Variants in QSER1 observed in about 807,000 individuals in gnomAD.
The protein encoded by QSER1 is glutamine and serine rich 1, also known as glutamine and serine-rich protein 1.
In QSER1, 49 loss-of-function variants were observed where a neutral mutation model predicts 158.5. The ratio of observed to expected loss-of-function variants is 0.31; its 90% confidence interval spans 0.25 to 0.39. The LOEUF (loss-of-function observed/expected upper bound fraction) is 0.39. QSER1 is among the 10% of genes least tolerant of loss of function. The probability of loss-of-function intolerance (pLI) is 1.00; values close to 1 mark genes in which losing one functional copy is unlikely to be tolerated. For missense variants in QSER1, 1,754 were observed against 2,010.3 expected, an observed-to-expected ratio of 0.87 and a Z score of 2.44; for synonymous variants, 650 against 715.5, an observed-to-expected ratio of 0.91 and a Z score of 1.46.
intron 4 of QSER1, among the ~76,000 whole-genome samples, chr11:32,951,868 G>A (rs1272368912): frequency 1.1e-4 from 15 of 130,450 alleles, no homozygotes; most frequent in South Asian, 9.5e-4. Flanking sequence ...ATGGAATTTC[G>A]CTCTTGTTGC....
chr11:32,898,292 G>A (rs887132100), intron 1 of QSER1, among the ~76,000 whole-genome samples: 3 of 152,090 alleles, frequency 2.0e-5, no homozygotes, highest in East Asian at 1.9e-4. Context: ...ACCAGCCTAC[G>A]CAACGTGGTG....
Position 32,892,843 on chromosome 11 carries a change from GGCCGCCGCC to G in QSER1, c.-272_-264del, listed in dbSNP as rs562526200. On this transcript the variant is annotated 5_prime_UTR_variant, in exon 1 of 13. Coordinates refer to ENST00000650167, the MANE Select transcript of QSER1 (RefSeq NM_001076786.3). ...GAAATCCACCAACATGGGGCGCAGC[GGCCGCCGCC>G]GCCGCCGCCGTCGCCGCGAGTCCCG... Among the ~76,000 whole-genome samples, 24 of 144,876 alleles carry G rather than the reference GGCCGCCGCC, an allele frequency of 1.7e-4. No homozygotes were observed. The highest frequency in any genetic ancestry group is 2.1e-4 in the South Asian group (1 of 4,708).
At chr11:32,921,066 G>A (rs1422914792) in intron 1 of QSER1, among the ~76,000 whole-genome samples, 2 of 152,088 alleles carry the variant, frequency 1.3e-5, no homozygotes, top group East Asian at 1.9e-4. Flanking sequence ...TCATAGCATC[G>A]TTATGATAGC....
intron 4 of QSER1, among the ~76,000 whole-genome samples, chr11:32,950,362 G>A (rs887538779): frequency 6.6e-6 from 1 of 152,096 alleles, no homozygotes; most frequent in African/African-American, 2.4e-5. Context: ...CCAAAGTGCT[G>A]GGATTACAGG....
intron 1 of QSER1, among the ~76,000 whole-genome samples, chr11:32,912,781 C>T (rs922321409): frequency 1.3e-5 from 2 of 152,048 alleles, no homozygotes; most frequent in Non-Finnish European, 2.9e-5. Flanking sequence ...GACATGGTGT[C>T]GCACGTCTTT....
At chr11:32,953,036 C>T (rs1380150899) in intron 4 of QSER1, among the ~76,000 whole-genome samples, 1 of 151,878 alleles carries the variant, frequency 6.6e-6, no homozygotes, top group Non-Finnish European at 1.5e-5. Context: ...CTCCTGACCT[C>T]GTGATCTGCC....
chr11:32,956,242 T>G (rs1055280863), intron 7 of QSER1, 121 bp downstream of exon 7: 5 of 804,832 alleles, frequency 6.2e-6, no homozygotes, highest in South Asian at 1.7e-5. Flanking sequence ...GTCAAAAAAT[T>G]TCAGTGCCTG....
At position 32,935,074 on chromosome 11, in the gene QSER1, A is replaced by G. The variant is rs7481878; in HGVS notation, c.3816A>G (p.Pro1272=). The change falls in exon 4 of 13, where the codon CCA becomes CCG. Residue 1272 remains proline, a synonymous_variant. Transcript: ENST00000650167. ...TCAAAGAGGTGGAGGAAAAACAACCAGAAGTCAAAACAGGATTTATTGCTT... is the reference window on the plus strand; with the variant it reads ...TCAAAGAGGTGGAGGAAAAACAACCGGAAGTCAAAACAGGATTTATTGCTT... ...QKIKEVEEKQ[P]EVKTGFIASF... is the part of the protein sequence containing the mutation. The G allele has an allele frequency of 0.82, 1,319,758 of 1,613,816 alleles. 543,339 individuals are homozygous for G. Among genetic ancestry groups the G allele is most frequent in the East Asian group, 0.99 (44,299 of 44,882 alleles).
Position 32,953,976 on chromosome 11 carries a change from A to G in QSER1, c.4297A>G (p.Asn1433Asp), listed in dbSNP as rs16923676. The G allele has an allele frequency of 7.4e-5, 120 of 1,614,144 alleles. No individual in the cohort carries two copies. The East Asian group carries it at 2.1e-3, about 28-fold the overall frequency. The change falls in exon 5 of 13, where the codon AAT becomes GAT. Residue 1433 changes from asparagine (N) to aspartate (D), a missense_variant. By Grantham distance (23) the Asn-to-Asp change is conservative (BLOSUM62 1). Around this residue, in one of 2 missense-constraint regions of QSER1, gnomAD observed 1,707 missense variants for 1,919.6 expected, o/e 0.89. Transcript: ENST00000650167. ...TCTCCACTCTACTTCATATGCAGTA[A>G]ATATTCTGGAAAATATAAGCTCTTC... is the stretch of plus-strand genomic sequence containing the variant. ...EPLHSTSYAV[N>D]ILENISSSES...
chr11:32,937,551 G>A (rs1852170953), intron 4 of QSER1, among the ~76,000 whole-genome samples: 1 of 152,120 alleles, frequency 6.6e-6, no homozygotes, highest in African/African-American at 2.4e-5. Flanking sequence ...GCCTCCCAAA[G>A]TGCTGGGATT....
Position 32,934,624 on chromosome 11 carries a change from T to G in QSER1, c.3366T>G (p.Ala1122=). The stretch of plus-strand genomic sequence containing the variant: ...TTGAATCTGAAGAAGACAGTGAAGC[T>G]CCTGTTGATAGTACATTAAATAATA... ...TNLESEEDSE[A]PVDSTLNNNR... is the part of the protein sequence containing the mutation. Residue 1122 remains alanine (A), a synonymous_variant, in exon 4 of 13, where the codon GCT becomes GCG. Transcript: ENST00000650167. 2 of 1,613,728 alleles carry G rather than the reference T, an allele frequency of 1.2e-6. No homozygotes were observed. The highest frequency in any genetic ancestry group is 1.7e-6 in the Non-Finnish European group (2 of 1,179,970).
Position 32,935,222 on chromosome 11 carries a change from C to T in QSER1, c.3964C>T (p.Pro1322Ser). The T allele has an allele frequency of 6.2e-7, 1 of 1,613,944 alleles. No homozygotes were observed. The highest frequency in any genetic ancestry group is 2.2e-5 in the East Asian group (1 of 44,886). Residue 1322 changes from proline to serine, a missense_variant, in exon 4 of 13, where the codon CCC becomes TCC. This residue lies in a region of QSER1 where 1,707 missense variants were observed against 1,919.6 expected (regional missense o/e 0.89). Transcript: ENST00000650167. The part of the protein sequence containing the change: ...MVRTFCPPPL[P>S]KPSSTTPTPL... ...TCGTACATTTTGTCCCCCACCACTT[C>T]CCAAGCCTTCATCTACAACACCCAC...
At chr11:32,917,047 G>A (rs1178091067) in intron 1 of QSER1, among the ~76,000 whole-genome samples, 7 of 152,082 alleles carry the variant, frequency 4.6e-5, no homozygotes, top group African/African-American at 1.4e-4. Context: ...TCGGCCTCCC[G>A]CAGTGCTGGG....
At chr11:32,912,307 A>G (rs1425825242) in intron 1 of QSER1, among the ~76,000 whole-genome samples, 1 of 152,124 alleles carries the variant, frequency 6.6e-6, no homozygotes, top group Non-Finnish European at 1.5e-5. Context: ...TCTTCCCCGC[A>G]AGTCTTCTCA....
Position 32,931,778 on chromosome 11 carries a change from A to T in QSER1, c.520A>T (p.Thr174Ser). ...CTCAGCAGCAACTGAGCTGTTTGCT[A>T]CTGGACCTTTGCCAAGCACTGGAAC... is the stretch of plus-strand genomic sequence containing the variant. ...HSSAATELFATGPLPSTGTLP... is the reference protein window; with the variant it reads ...HSSAATELFASGPLPSTGTLP... Residue 174 changes from threonine to serine, a missense_variant, in exon 4 of 13, where the codon ACT becomes TCT. By Grantham distance (58) the Thr-to-Ser change is moderately conservative. This residue lies in a region of QSER1 where 1,707 missense variants were observed against 1,919.6 expected (regional missense o/e 0.89). Coordinates refer to ENST00000650167, the MANE Select transcript of QSER1 (RefSeq NM_001076786.3). The T allele has an allele frequency of 1.2e-6, 2 of 1,612,368 alleles. No homozygotes were observed. The highest frequency in any genetic ancestry group is 1.7e-6 in the Non-Finnish European group (2 of 1,179,162).
intron 1 of QSER1, among the ~76,000 whole-genome samples, chr11:32,896,546 A>G (rs1046752739): frequency 6.6e-6 from 1 of 151,984 alleles, no homozygotes; most frequent in Non-Finnish European, 1.5e-5. Context: ...CGCATTGGCC[A>G]GGCTGGTAAT....
Position 32,957,939 on chromosome 11 carries a change from A to G in QSER1, c.4822A>G (p.Lys1608Glu), listed in dbSNP as rs370606991. 6.2e-7 allele frequency: 1 copy of G among 1,614,212 alleles called. No homozygotes were observed. The highest frequency in any genetic ancestry group is 8.5e-7 in the Non-Finnish European group (1 of 1,180,032). ...TCTAGCATCAAAAACTACAACTACA[A>G]AAGCCCCTTCCGTGAAACCCAAAGT... ...DPLASKTTTT[K>E]APSVKPKVKQ... The change falls in exon 8 of 13, where the codon AAA (lysine) becomes GAA (glutamate). Residue 1608 changes from lysine to glutamate, a missense_variant. Coordinates refer to ENST00000650167, the MANE Select transcript of QSER1 (RefSeq NM_001076786.3).
chr11:32,931,247 T>C (rs924896726), intron 3 of QSER1, among the ~76,000 whole-genome samples: 1 of 152,282 alleles, frequency 6.6e-6, no homozygotes, highest in Non-Finnish European at 1.5e-5. Context: ...ATTACAGATA[T>C]GAATTGCTGA....
Position 32,928,132 on chromosome 11 carries a change from C to T in QSER1, c.484+9C>T, listed in dbSNP as rs1851998853. 2 of 1,572,842 alleles carry T rather than the reference C, an allele frequency of 1.3e-6. No homozygotes were observed. The highest frequency in any genetic ancestry group is 8.8e-7 in the Non-Finnish European group (1 of 1,142,792). The stretch of plus-strand genomic sequence containing the variant: ...TCCATCCTGGCAGACAGGTGATTTT[C>T]TGTTTCTAGAATTTTTAAGTCCTAT... On this transcript the variant is annotated intron_variant, in intron 3 of 12. Transcript: ENST00000650167.
Sources: allele counts gnomAD v4.1 joint callset (sites outside exome capture counted in the v4.1 genomes callset), GRCh38; gene constraint gnomAD v4.1.1; regional missense constraint gnomAD v4.1.1; transcripts MANE v1.5; gene names NCBI Gene and HGNC (gene_info 2026-07-23, HGNC 2026-07-21).